GLRA2: variants seen among roughly 807,000 people sequenced by gnomAD.
GLRA2 encodes the protein glycine receptor alpha 2.
A neutral mutation model predicts 31.6 loss-of-function variants in GLRA2; 11 were observed. The observed-to-expected ratio is 0.35, with a 90% CI of 0.22 to 0.58. The LOEUF is 0.58. Ranked by LOEUF, GLRA2 falls within the 20% of genes least tolerant of loss-of-function variation. The pLI is 0.84. For missense variants in GLRA2, 212 were observed against 351.8 expected (o/e 0.60, Z 3.18); for synonymous variants, 132 against 134.0 (o/e 0.99, Z 0.10).
In GLRA2 at chrX:14,609,163, G is replaced by T; in HGVS notation, c.888G>T (p.Thr296=). 8.3e-7 allele frequency: 1 copy of T among 1,201,390 alleles called. No homozygotes were observed. The highest frequency in any genetic ancestry group is 1.1e-6 in the Non-Finnish European group (1 of 886,734). ...RVALGITTVL[T]MTTQSSGSRA... ...CACTGGGCATCACCACAGTCTTAAC[G>T]ATGACCACCCAGAGTTCAGGCTCCA... Residue 296 remains threonine (T), a synonymous_variant, in exon 7 of 9, where the codon ACG becomes ACT. Coordinates refer to ENST00000218075, the MANE Select transcript of GLRA2 (RefSeq NM_002063.4).
intron 7 of GLRA2, among the ~76,000 whole-genome samples, chrX:14,658,016 T>C (rs1372958570): frequency 1.8e-5 from 2 of 111,686 alleles, no homozygotes; most frequent in Admixed American, 1.9e-4. Context: ...CTGAGTCACA[T>C]AGACATTAGG....
the GLRA2 span, among the ~76,000 whole-genome samples, chrX:14,479,845 A>G: frequency 9.0e-6 from 1 of 111,316 alleles, no homozygotes. Context: ...GTGAGTACAC[A>G]TGTTGTTTTG....
At chrX:14,707,757 GGTGT>G (rs374444365) in intron 8 of GLRA2, among the ~76,000 whole-genome samples, 15 of 106,176 alleles carry the variant, frequency 1.4e-4, no homozygotes, top group East Asian at 2.9e-4. Flanking sequence ...CAGCAAAAAA[GGTGT>G]GTGTGTGTGT....
chrX:14,470,664 A>G, the GLRA2 span, among the ~76,000 whole-genome samples: 3 of 111,979 alleles, frequency 2.7e-5, no homozygotes, highest in Non-Finnish European at 5.6e-5. Flanking sequence ...AACATGAGGG[A>G]TACACAAAAT....
chrX:14,673,831 A>G (rs1423702297), intron 7 of GLRA2, among the ~76,000 whole-genome samples: 3 of 112,567 alleles, frequency 2.7e-5, no homozygotes, highest in Admixed American at 9.4e-5. Flanking sequence ...TCTGCCATCT[A>G]TGAACACTTA....
At chrX:14,681,908 A>ATATAT (rs1225909977) in intron 7 of GLRA2, among the ~76,000 whole-genome samples, 12 of 38,906 alleles carry the variant, frequency 3.1e-4, no homozygotes, top group Non-Finnish European at 4.1e-4. Context: ...AAAAAAAAAA[A>ATATAT]AAATATATAT....
intron 2 of GLRA2, among the ~76,000 whole-genome samples, chrX:14,555,017 C>T (rs1263480827): frequency 8.9e-6 from 1 of 112,057 alleles, no homozygotes; most frequent in Non-Finnish European, 1.9e-5. Flanking sequence ...CACTCACGAT[C>T]GTTTGATTTA....
chrX:14,696,811 A>G (rs2091454018), intron 8 of GLRA2, among the ~76,000 whole-genome samples: 1 of 112,113 alleles, frequency 8.9e-6, no homozygotes, highest in Admixed American at 9.4e-5. Flanking sequence ...GGCAGTTACA[A>G]TCCCTGCTAT....
At chrX:14,718,528 A>G (rs903856872) in intron 8 of GLRA2, among the ~76,000 whole-genome samples, 2 of 112,247 alleles carry the variant, frequency 1.8e-5, no homozygotes, top group African/African-American at 6.5e-5. Flanking sequence ...TGTAAAAGGC[A>G]GAGTAGGAAT....
At chrX:14,526,145 T>A (rs182410399), upstream of GLRA2, among the ~76,000 whole-genome samples, 2 of 112,077 alleles carry the variant, frequency 1.8e-5, no homozygotes, top group East Asian at 5.6e-4. Flanking sequence ...TAGGCTGGTG[T>A]TAACCAGACA....
At chrX:14,632,845 G>A (rs1192151243) in intron 7 of GLRA2, among the ~76,000 whole-genome samples, 1 of 111,419 alleles carries the variant, frequency 9.0e-6, no homozygotes, top group Non-Finnish European at 1.9e-5. Flanking sequence ...TACACATACT[G>A]TATTAGGTAT....
intron 2 of GLRA2, among the ~76,000 whole-genome samples, chrX:14,554,946 C>T (rs994691840): frequency 8.9e-6 from 1 of 112,011 alleles, no homozygotes; most frequent in Non-Finnish European, 1.9e-5. Context: ...AGTCTGATAA[C>T]ACTGAAAGGT....
At chrX:14,689,279 C>T (rs2091316655) in intron 7 of GLRA2, among the ~76,000 whole-genome samples, 1 of 112,315 alleles carries the variant, frequency 8.9e-6, no homozygotes, top group Non-Finnish European at 1.9e-5. Flanking sequence ...GAAGAATGTT[C>T]ATAGCAGCAA....
chrX:14,490,094 C>T, the GLRA2 span, among the ~76,000 whole-genome samples: 1 of 110,973 alleles, frequency 9.0e-6, no homozygotes, highest in Admixed American at 9.6e-5. Context: ...GAGACAGTGC[C>T]CAGCTAACCC....
At chrX:14,504,657 A>G in the GLRA2 span, among the ~76,000 whole-genome samples, 1 of 111,762 alleles carries the variant, frequency 8.9e-6, no homozygotes, top group Non-Finnish European at 1.9e-5. Flanking sequence ...TGAATTATAT[A>G]CAGCAAGTCT....
At chrX:14,584,959 T>G (rs1262509586) in intron 4 of GLRA2, among the ~76,000 whole-genome samples, 1 of 111,253 alleles carries the variant, frequency 9.0e-6, no homozygotes, top group Non-Finnish European at 1.9e-5. Context: ...CATTCTAGAA[T>G]CATGAAGAGT....
intron 2 of GLRA2, among the ~76,000 whole-genome samples, chrX:14,551,736 G>A (rs181370336): frequency 2.8e-4 from 31 of 111,206 alleles, no homozygotes; most frequent in African/African-American, 9.2e-4. Flanking sequence ...GTTTTTCTCC[G>A]GACCCTAGGA....
At chrX:14,604,793 C>T (rs1442476786) in intron 5 of GLRA2, among the ~76,000 whole-genome samples, 2 of 110,227 alleles carry the variant, frequency 1.8e-5, no homozygotes, top group Non-Finnish European at 3.8e-5. Context: ...AATTGAATTT[C>T]TTTCCATCTT....
chrX:14,631,480 T>G (rs1294107085), intron 7 of GLRA2, among the ~76,000 whole-genome samples: 1 of 111,183 alleles, frequency 9.0e-6, no homozygotes, highest in Non-Finnish European at 1.9e-5. Context: ...GACATTGTGG[T>G]TTTTATCTTG....
Sources: allele counts gnomAD v4.1 joint callset (sites outside exome capture counted in the v4.1 genomes callset), GRCh38; gene constraint gnomAD v4.1.1; transcripts MANE v1.5; gene names NCBI Gene and HGNC (gene_info 2026-07-23, HGNC 2026-07-21).